The following NPTN variants were observed in gnomAD, a reference collection of about 807,000 sequenced individuals.
NPTN encodes SDR-1.
Under a neutral mutation model 42.7 loss-of-function variants are expected in NPTN, and 5 were observed. The ratio of observed to expected loss-of-function variants is 0.12; its 90% CI spans 0.06 to 0.25. NPTN has a LOEUF of 0.25. NPTN is among the 10% of genes least tolerant of loss of function. The pLI, the probability that NPTN is intolerant of heterozygous loss-of-function variation, is 1.00. For synonymous variants in NPTN, 180 were observed against 201.9 expected, an observed-to-expected ratio of 0.89 and a Z score of 0.92; for missense variants, 307 against 525.4, an observed-to-expected ratio of 0.58 and a Z score of 4.06.
At chr15:73,614,240 A>C (rs900427972) in intron 1 of NPTN, among the ~76,000 whole-genome samples, 6 of 151,908 alleles carry the variant, frequency 3.9e-5, no homozygotes, top group Admixed American at 3.9e-4. Context: ...GGATCATTTG[A>C]GCCTCGGAGG....
intron 1 of NPTN, among the ~76,000 whole-genome samples, chr15:73,627,762 C>G (rs1898496694): frequency 6.6e-6 from 1 of 152,152 alleles, no homozygotes; most frequent in South Asian, 2.1e-4. Context: ...TTTTGACTCT[C>G]CTTCCTAAAC....
chr15:73,608,993 C>G (rs139467039), intron 1 of NPTN, among the ~76,000 whole-genome samples: 3 of 152,270 alleles, frequency 2.0e-5, no homozygotes, highest in Non-Finnish European at 2.9e-5. Context: ...TGGGAATCAT[C>G]AGCTTATGGA....
At chr15:73,567,907 C>T in intron 6 of NPTN, 1 of 985,362 alleles carries the variant, frequency 1.0e-6, no homozygotes, top group Non-Finnish European at 1.2e-6. Flanking sequence ...CAATACTCTC[C>T]CAAGAGACTA....
At chr15:73,562,046 G>C (rs1894705990) in intron 7 of NPTN, 76 bp from the exon 8 acceptor site, 1 of 1,096,870 alleles carries the variant, frequency 9.1e-7, no homozygotes, top group Non-Finnish European at 1.3e-6. Context: ...GGAAATACAG[G>C]GACTCTTTCA....
chr15:73,603,989 T>C (rs1435312658), intron 1 of NPTN, among the ~76,000 whole-genome samples: 1 of 152,232 alleles, frequency 6.6e-6, no homozygotes, highest in Non-Finnish European at 1.5e-5. Context: ...AACTACTCTA[T>C]GCAAATGTTA....
At chr15:73,562,413 C>T (rs565182958) in intron 7 of NPTN, among the ~76,000 whole-genome samples, 14 of 152,274 alleles carry the variant, frequency 9.2e-5, no homozygotes, top group African/African-American at 2.9e-4. Context: ...CCAAGGCAGA[C>T]GAGTACTTTC....
chr15:73,563,249 G>C lies in NPTN; in HGVS notation c.1123C>G (p.Pro375Ala), dbSNP rs781304142. The change falls in exon 7 of 9, where the codon CCA becomes GCA. Residue 375 changes from proline to alanine, a missense_variant. Pro to Ala is a conservative substitution (Grantham distance 27, BLOSUM62 -1). Around this residue, in one of 2 missense-constraint regions of NPTN, gnomAD observed 264 missense variants for 491.1 expected, o/e 0.54. Transcript: ENST00000345330. ...TAAAGTACTTACATTGGTCCAGCTG[G>C]TTCATCATCTACATGGTGTTCAGTT... The part of the protein sequence containing the change: ...RPDEVPDDDE[P>A]AGPMKTNSTN... 6.2e-7 allele frequency: 1 copy of C among 1,606,276 alleles called. No individual in the cohort carries two copies. Among genetic ancestry groups the C allele is most frequent in the Non-Finnish European group, 8.5e-7 (1 of 1,173,016 alleles).
At chr15:73,587,710 G>C in intron 3 of NPTN, 92 bp from the exon 4 acceptor site, 1 of 922,898 alleles carries the variant, frequency 1.1e-6, no homozygotes, top group Non-Finnish European at 1.8e-6. Flanking sequence ...CAGGGATCCT[G>C]CTCTCCGAAC....
At chr15:73,591,880 T>C in intron 3 of NPTN, 86 bp downstream of exon 3, 2 of 1,321,942 alleles carry the variant, frequency 1.5e-6, no homozygotes, top group South Asian at 1.4e-5. Flanking sequence ...ATGTCCCTTC[T>C]GCATGGCGCA....
chr15:73,612,392 C>T (rs1005142247), intron 1 of NPTN, among the ~76,000 whole-genome samples: 2 of 150,186 alleles, frequency 1.3e-5, no homozygotes, highest in African/African-American at 4.9e-5. Flanking sequence ...GCACTCTAAC[C>T]TAGGCCCACA....
chr15:73,565,701 G>C (rs1894947191), intron 6 of NPTN: 1 of 455,950 alleles, frequency 2.2e-6, no homozygotes, highest in Non-Finnish European at 4.4e-6. Context: ...GGCTAGATGA[G>C]AGGAAGAGGA....
chr15:73,572,229 C>T (rs1241412875), intron 5 of NPTN, among the ~76,000 whole-genome samples: 4 of 152,148 alleles, frequency 2.6e-5, no homozygotes, highest in African/African-American at 9.7e-5. Context: ...ACTAATTTAT[C>T]TTGGCTACTA....
Position 73,560,462 on chromosome 15 carries a change from GC to G in NPTN, c.*600del, listed in dbSNP as rs1239510162. 6.6e-6 allele frequency: 1 copy of G among 152,398 alleles called. No individual in the cohort carries two copies. Among genetic ancestry groups the G allele is most frequent in the Non-Finnish European group, 1.5e-5 (1 of 68,028 alleles). The allele number at this position is 152,398 out of a possible 1,614,324, so 9.4% of individuals were successfully genotyped here. A position where few individuals can be genotyped will look rare whatever the true frequency, so the allele number is the denominator to read the frequency against. ...CCAGCTTATTAAAGTCACAGGTTAAGCCCTTAAAATTATAGATTTCAGTTTA... is the reference window on the plus strand; with the variant it reads ...CCAGCTTATTAAAGTCACAGGTTAAGCCTTAAAATTATAGATTTCAGTTTA... On this transcript the variant is annotated 3_prime_UTR_variant, in exon 9 of 9. Coordinates refer to ENST00000345330, the MANE Select transcript of NPTN (RefSeq NM_012428.4).
chr15:73,608,382 T>C (rs137960898), intron 1 of NPTN, among the ~76,000 whole-genome samples: 28 of 152,310 alleles, frequency 1.8e-4, no homozygotes, highest in South Asian at 1.0e-3. Flanking sequence ...AGCTCATGCA[T>C]TGAAATCTAA....
Position 73,569,130 on chromosome 15 carries a change from C to G in NPTN, c.1114+1020G>C, listed in dbSNP as rs758891074. 190 of 985,498 alleles carry G rather than the reference C, an allele frequency of 1.9e-4. No homozygotes were observed. The highest frequency in any genetic ancestry group is 2.3e-4 in the Non-Finnish European group (189 of 830,076). The allele number at this position is 985,498 out of a possible 1,614,324, so 61.0% of individuals were successfully genotyped here. On this transcript the variant is annotated intron_variant, in intron 6 of 8. Coordinates refer to ENST00000345330, the MANE Select transcript of NPTN (RefSeq NM_012428.4). The surrounding 1 kb of genome is among the most constrained non-coding windows in gnomAD (Gnocchi z 4.1). ...GGTAGGCTACCACTGAGCCCAGGGG[C>G]ACACCCATCTGTCTAGTCTAGCCAG...
chr15:73,627,737 G>C (rs1199215372), intron 1 of NPTN, among the ~76,000 whole-genome samples: 1 of 152,042 alleles, frequency 6.6e-6, no homozygotes, highest in African/African-American at 2.4e-5. Flanking sequence ...ATAATAAATT[G>C]AAATTAAATA....
At chr15:73,561,845 C>A in intron 8 of NPTN, 51 bp downstream of exon 8, 1 of 1,281,334 alleles carries the variant, frequency 7.8e-7, no homozygotes, top group Non-Finnish European at 1.1e-6. Context: ...TCAATAGAGG[C>A]ACATTCATTT....
intron 8 of NPTN, 31 bp downstream of exon 8, chr15:73,561,865 T>G: frequency 6.7e-7 from 1 of 1,489,040 alleles, no homozygotes; most frequent in Non-Finnish European, 9.3e-7. Context: ...TGAATATAAT[T>G]TTTAAGACTG....
chr15:73,618,835 A>C (rs1897985842), intron 1 of NPTN, among the ~76,000 whole-genome samples: 1 of 151,944 alleles, frequency 6.6e-6, no homozygotes, highest in Non-Finnish European at 1.5e-5. Context: ...ATCCTGTCTC[A>C]AACAAAACAA....
Sources: allele counts gnomAD v4.1 joint callset (sites outside exome capture counted in the v4.1 genomes callset), GRCh38; gene constraint gnomAD v4.1.1; regional missense constraint gnomAD v4.1.1; non-coding constraint Gnocchi (gnomAD v3.1); transcripts MANE v1.5; gene names NCBI Gene and HGNC (gene_info 2026-07-23, HGNC 2026-07-21).